Variants in PRKRA observed in about 807,000 individuals in gnomAD.
PRKRA encodes the protein interferon-inducible double-stranded RNA-dependent protein kinase activator A.
PRKRA carries 22 observed loss-of-function variants against 32.4 expected under a neutral mutation model. The ratio of observed to expected loss-of-function variants is 0.68; its 90% CI spans 0.49 to 0.97. The LOEUF (loss-of-function observed/expected upper bound fraction) is 0.97, where lower values mean the gene tolerates loss of function less well. Ranked by LOEUF, PRKRA falls within the 50% of genes least tolerant of loss-of-function variation. The probability of loss-of-function intolerance (pLI) is 0.00; values close to 1 mark genes in which losing one functional copy is unlikely to be tolerated. For synonymous variants in PRKRA, 139 were observed against 129.8 expected, an observed-to-expected ratio of 1.07 and a Z score of -0.48; for missense variants, 319 against 375.6, an observed-to-expected ratio of 0.85 and a Z score of 1.25.
At chr2:178,446,065 A>C (rs1399487729) in intron 3 of PRKRA, among the ~76,000 whole-genome samples, 1 of 151,584 alleles carries the variant, frequency 6.6e-6, no homozygotes, top group African/African-American at 2.4e-5. Flanking sequence ...CACAGGCTGG[A>C]GTGCAGGGGC....
chr2:178,443,234 T>C (rs773288916), intron 5 of PRKRA, 33 bp downstream of exon 5: 2 of 1,508,052 alleles, frequency 1.3e-6, no homozygotes, highest in Admixed American at 1.7e-5. Flanking sequence ...TCTGAAAATA[T>C]TTCAAATGCC....
Position 178,450,257 on chromosome 2 carries a change from C to T in PRKRA, c.220G>A (p.Asp74Asn). The T allele has an allele frequency of 6.2e-7, 1 of 1,614,264 alleles. No individual in the cohort carries two copies. Among genetic ancestry groups the T allele is most frequent in the Non-Finnish European group, 8.5e-7 (1 of 1,180,048 alleles). ...PTFTFRVTVG[D>N]ITCTGEGTSK... The stretch of plus-strand genomic sequence containing the variant: ...GTATACAGACCTGTGCAGGTTATGT[C>T]ACCAACGGTTACTCTGAAGGTGAAA... The change falls in exon 2 of 8, where the codon GAC becomes AAC. Residue 74 changes from aspartate (D) to asparagine (N), a missense_variant. Coordinates refer to ENST00000325748, the MANE Select transcript of PRKRA (RefSeq NM_003690.5).
rs1697570588 is a variant in PRKRA at position 178,450,738 on chromosome 2, GT to G, written c.65+227del. ...CCCTTCCCGGGCGCGCCGACCGAGC[GT>G]CACCTCCGCCCGCCCCGCGCGCCGC... is the stretch of plus-strand genomic sequence containing the variant. On this transcript the variant is annotated intron_variant, in intron 1 of 7. Coordinates refer to ENST00000325748, the MANE Select transcript of PRKRA (RefSeq NM_003690.5). 6.6e-6 allele frequency: 9 copies of G among 1,363,730 alleles called. No individual in the cohort carries two copies. The South Asian group carries it at 1.7e-4, about 26-fold the overall frequency. The allele number at this position is 1,363,730 out of a possible 1,614,324, so 84.5% of individuals were successfully genotyped here.
Position 178,451,087 on chromosome 2 carries a change from C to T in PRKRA, c.-57G>A, listed in dbSNP as rs2154125666. ...AGAGCGGTGCGGAGCGACGTGCTCG[C>T]TCCCCGGGTCGCTGGTCCCCGGGAG... is the stretch of plus-strand genomic sequence containing the variant. On this transcript the variant is annotated 5_prime_UTR_variant, in exon 1 of 8. Coordinates refer to ENST00000325748, the MANE Select transcript of PRKRA (RefSeq NM_003690.5). 5 of 1,519,474 alleles carry T rather than the reference C, an allele frequency of 3.3e-6. No homozygotes were observed. The highest frequency in any genetic ancestry group is 5.1e-5 in the East Asian group (2 of 39,542). 94.1% of individuals were successfully genotyped at this position (1,519,474 alleles called of 1,614,324 possible). A position where few individuals can be genotyped will look rare whatever the true frequency, so the allele number is the denominator to read the frequency against.
chr2:178,450,732 C>T (rs1049181081), intron 1 of PRKRA: 2 of 1,366,324 alleles, frequency 1.5e-6, no homozygotes, highest in Non-Finnish European at 1.9e-6. Flanking sequence ...GGCGCGCCGA[C>T]CGAGCGTCAC....
At chr2:178,442,448 A>T (rs1047354736) in intron 5 of PRKRA, among the ~76,000 whole-genome samples, 1 of 152,234 alleles carries the variant, frequency 6.6e-6, no homozygotes, top group African/African-American at 2.4e-5. Flanking sequence ...TAAGAAAGGC[A>T]CAGGGGATGG....
intron 7 of PRKRA, 118 bp downstream of exon 7, chr2:178,436,027 T>A: frequency 1.1e-6 from 1 of 874,636 alleles, no homozygotes; most frequent in Non-Finnish European, 1.7e-6. Context: ...ATACTTAGAA[T>A]CCCTGATCAA....
chr2:178,450,153 G>A (rs527432569), intron 2 of PRKRA, 89 bp downstream of exon 2: 10 of 1,266,996 alleles, frequency 7.9e-6, no homozygotes, highest in Non-Finnish European at 1.1e-5. Context: ...CAGCTGTCTG[G>A]CAAAAAGAGA....
chr2:178,443,597 CT>C (rs764771705), intron 4 of PRKRA: 6 of 471,512 alleles, frequency 1.3e-5, no homozygotes, highest in Non-Finnish European at 2.3e-5. Context: ...CAGTTTTGTG[CT>C]ACGAATGGTG....
chr2:178,443,321 C>G lies in PRKRA; in HGVS notation c.460G>C (p.Ala154Pro), dbSNP rs1161213168. Reference protein sequence around the residue: ...EYTLSQEGGPAHKREYTTICR... With the variant: ...EYTLSQEGGPPHKREYTTICR... ...ATTGTAGTATATTCTCTCTTATGAG[C>G]AGGTCCTCCCTCCTGGGAAAGGGTA... The change falls in exon 5 of 8, where the codon GCT (alanine) becomes CCT (proline). Residue 154 changes from alanine to proline, a missense_variant. Transcript: ENST00000325748. 3 of 1,613,342 alleles carry G rather than the reference C, an allele frequency of 1.9e-6. No homozygotes were observed. Among genetic ancestry groups the G allele is most frequent in the Admixed American group, 3.3e-5 (2 of 60,030 alleles).
rs1697374667 is a variant in PRKRA, at chr2:178,447,684, T to C, written c.236-98A>G. The C allele has an allele frequency of 4.8e-6, 5 of 1,037,198 alleles. No individual in the cohort carries two copies. The East Asian group carries it at 2.2e-4, about 45-fold the overall frequency. The allele number at this position is 1,037,198 out of a possible 1,614,324, so 64.2% of individuals were successfully genotyped here. ...CACAAAACAAAGTCACTATAGATTT[T>C]ACATACACATACTAGGTAATAAAAA... On this transcript the variant is annotated intron_variant, in intron 2 of 7. Transcript: ENST00000325748.
intron 1 of PRKRA, chr2:178,450,725 G>C (rs1697568395): frequency 7.3e-7 from 1 of 1,372,182 alleles, no homozygotes; most frequent in African/African-American, 1.5e-5. Flanking sequence ...CTTCCCGGGC[G>C]CGCCGACCGA....
intron 1 of PRKRA, 90 bp downstream of exon 1, chr2:178,450,876 C>T (rs985068848): frequency 1.3e-4 from 159 of 1,252,396 alleles, no homozygotes; most frequent in Admixed American, 1.6e-4. Flanking sequence ...ACGGCTTTAC[C>T]CAGAATGCCT....
chr2:178,436,440 T>C (rs1696900797), intron 6 of PRKRA, 121 bp from the exon 7 acceptor site: 3 of 819,248 alleles, frequency 3.7e-6, no homozygotes, highest in South Asian at 1.5e-5. Context: ...CATGTTTAAA[T>C]GGATAACATT....
chr2:178,441,887 CTTTTTT>C (rs541455452), intron 5 of PRKRA, among the ~76,000 whole-genome samples, 183 bp from the exon 6 acceptor site: 20 of 131,746 alleles, frequency 1.5e-4, no homozygotes, highest in Non-Finnish European at 2.4e-4. Flanking sequence ...GCTATTAATT[CTTTTTT>C]TTTTTTTTTT....
intron 2 of PRKRA, 70 bp downstream of exon 2, chr2:178,450,172 G>C (rs765465741): frequency 7.7e-7 from 1 of 1,307,036 alleles, no homozygotes. Flanking sequence ...GAACTTTTCC[G>C]AACTGAAAAG....
Position 178,436,313 on chromosome 2 carries a change from C to A in PRKRA, c.616G>T (p.Val206Leu), listed in dbSNP as rs760615566. The A allele has an allele frequency of 6.2e-7, 1 of 1,613,348 alleles. No homozygotes were observed. ...GTACATCCTAAAGAATGTCCTACTA[C>A]ATTTGTCTGAAAAACAGAGATGAAG... ...SPENHISLTNVVGHSLGCTWH... is the reference protein window; with the variant it reads ...SPENHISLTNLVGHSLGCTWH... The change falls in exon 7 of 8, where the codon GTA becomes TTA. Residue 206 changes from valine to leucine, a missense_variant. Physicochemically the swap from Val to Leu is conservative, Grantham distance 32 (BLOSUM62 1). Transcript: ENST00000325748.
At chr2:178,438,405 C>G (rs569204232) in intron 6 of PRKRA, among the ~76,000 whole-genome samples, 3 of 152,246 alleles carry the variant, frequency 2.0e-5, no homozygotes, top group East Asian at 3.9e-4. Flanking sequence ...ATAATCCATC[C>G]TCTCACCCAC....
At chr2:178,450,122 A>G in intron 2 of PRKRA, 120 bp downstream of exon 2, 3 of 1,259,936 alleles carry the variant, frequency 2.4e-6, no homozygotes, top group Non-Finnish European at 2.3e-6. Flanking sequence ...GAGAGGTCTC[A>G]GTTTCAGAGC....
Sources: allele counts gnomAD v4.1 joint callset (sites outside exome capture counted in the v4.1 genomes callset), GRCh38; gene constraint gnomAD v4.1.1; transcripts MANE v1.5; gene names NCBI Gene and HGNC (gene_info 2026-07-23, HGNC 2026-07-21).